CDK18: variants seen among roughly 807,000 people sequenced by gnomAD.
CDK18 encodes cyclin-dependent kinase 18.
Under a neutral mutation model 62.0 loss-of-function variants are expected in CDK18, and 52 were observed. The ratio of observed to expected loss-of-function variants is 0.84; its 90% CI spans 0.67 to 1.06. The LOEUF (loss-of-function observed/expected upper bound fraction) is 1.06. Ranked by LOEUF, CDK18 falls within the 50% of genes least tolerant of loss-of-function variation. The pLI is 0.00. For missense variants in CDK18, 604 were observed against 619.9 expected (o/e 0.97, Z 0.27); for synonymous variants, 237 against 247.0 (o/e 0.96, Z 0.38).
At chr1:205,519,711 C>G (rs149522944) in intron 1 of CDK18, among the ~76,000 whole-genome samples, 1 of 152,194 alleles carries the variant, frequency 6.6e-6, no homozygotes, top group East Asian at 1.9e-4. Flanking sequence ...CAGGCACAGG[C>G]TGGTGGCTCC....
At chr1:205,520,970 G>A (rs28580089) in intron 1 of CDK18, among the ~76,000 whole-genome samples, 4,774 of 152,270 alleles carry the variant, frequency 0.031, 130 homozygotes, top group African/African-American at 0.078. Context: ...CTGAGACATT[G>A]CACAGAGCCA....
intron 1 of CDK18, among the ~76,000 whole-genome samples, chr1:205,507,499 G>T (rs928713520): frequency 1.4e-4 from 21 of 151,508 alleles, no homozygotes; most frequent in African/African-American, 4.6e-4. Context: ...AATTAGTCAG[G>T]CGTGGTGGCA....
chr1:205,512,327 G>A (rs1667603338), intron 1 of CDK18, among the ~76,000 whole-genome samples: 1 of 152,234 alleles, frequency 6.6e-6, no homozygotes, highest in African/African-American at 2.4e-5. Context: ...ACCAGACCCG[G>A]GAGGAAGGAA....
Position 205,523,507 on chromosome 1 carries a change from G to T in CDK18, c.155G>T (p.Arg52Ile). 6.2e-7 allele frequency: 1 copy of T among 1,605,142 alleles called. No homozygotes were observed. The highest frequency in any genetic ancestry group is 8.5e-7 in the Non-Finnish European group (1 of 1,176,398). The change falls in exon 3 of 16, where the codon AGA becomes ATA. Residue 52 changes from arginine to isoleucine, a missense_variant. Transcript: ENST00000429964. ...NENLQLGPLG[R>I]DPPQECSTFS... ...GACTTGCAGCTCGGTCCTCTTGGCA[G>T]AGACCCCCCGCAGGAGTGCAGCACC...
intron 1 of CDK18, among the ~76,000 whole-genome samples, chr1:205,513,410 T>C (rs970395527): frequency 6.6e-6 from 1 of 152,230 alleles, no homozygotes; most frequent in Non-Finnish European, 1.5e-5. Context: ...TCCCATCTTA[T>C]CACTTGGACA....
intron 1 of CDK18, among the ~76,000 whole-genome samples, chr1:205,513,911 C>T (rs940344733): frequency 1.3e-5 from 2 of 152,384 alleles, no homozygotes; most frequent in East Asian, 1.9e-4. Context: ...CCCACTGCCT[C>T]AGCCCATCTC....
chr1:205,528,233 T>G lies in CDK18; in HGVS notation c.974+65T>G. ...CCTGGCCACACCTCCAGACTCTCCT[T>G]TGCTTCCCCAAGGGCCTCGGGGAAG... On this transcript the variant is annotated intron_variant, in intron 10 of 15. Transcript: ENST00000429964. The surrounding 1 kb of genome is among the most constrained non-coding windows in gnomAD (Gnocchi z 4.2). The G allele has an allele frequency of 6.3e-7, 1 of 1,575,920 alleles. No homozygotes were observed. Among genetic ancestry groups the G allele is most frequent in the Non-Finnish European group, 8.7e-7 (1 of 1,154,896 alleles).
intron 1 of CDK18, among the ~76,000 whole-genome samples, chr1:205,515,862 A>G (rs1667793721): frequency 2.0e-5 from 3 of 152,226 alleles, no homozygotes; most frequent in African/African-American, 7.2e-5. Context: ...TACTTCCTGC[A>G]TTCCAAACAG....
rs1668568966 is a variant in CDK18 at position 205,528,724 on chromosome 1, G to T, written c.975-275G>T. ...CTGAGAGAATTGCCACATGGGCGCTGGCTGCACAGACCCAAACCTCACAGA... is the reference window on the plus strand; with the variant it reads ...CTGAGAGAATTGCCACATGGGCGCTTGCTGCACAGACCCAAACCTCACAGA... On this transcript the variant is annotated intron_variant, in intron 10 of 15. Transcript: ENST00000429964. The surrounding 1 kb of genome is among the most constrained non-coding windows in gnomAD (Gnocchi z 4.2). The T allele has an allele frequency of 4.8e-6, 2 of 417,498 alleles. No individual in the cohort carries two copies. The highest frequency in any genetic ancestry group is 3.9e-5 in the Admixed American group (1 of 25,502). The allele number at this position is 417,498 out of a possible 1,614,324, so 25.9% of individuals were successfully genotyped here.
Position 205,529,250 on chromosome 1 carries a change from C to T in CDK18, c.1073-74C>T, listed in dbSNP as rs978796622. ...CGGCCATCTTTGCTCCCACCTCATACATTGCATCCCTTTCAAGTCGGCCTT... is the reference window on the plus strand; with the variant it reads ...CGGCCATCTTTGCTCCCACCTCATATATTGCATCCCTTTCAAGTCGGCCTT... On this transcript the variant is annotated intron_variant, in intron 11 of 15. Coordinates refer to ENST00000429964, the MANE Select transcript of CDK18 (RefSeq NM_212502.3). 8 of 1,436,054 alleles carry T rather than the reference C, an allele frequency of 5.6e-6. No individual in the cohort carries two copies. In the African/African-American group the frequency reaches 8.4e-5, roughly 15 times the overall value. The allele number at this position is 1,436,054 out of a possible 1,614,324, so 89.0% of individuals were successfully genotyped here.
At position 205,516,439 on chromosome 1, in the gene CDK18, C is replaced by G. The variant is rs1414139648; in HGVS notation, c.-21-6708C>G. 2.6e-5 allele frequency among the ~76,000 whole-genome samples: 4 copies of G among 152,138 alleles called. No homozygotes were observed. The highest frequency in any genetic ancestry group is 9.7e-5 in the African/African-American group (4 of 41,420). On this transcript the variant is annotated intron_variant, in intron 1 of 15. Transcript: ENST00000429964. This position sits in a 1 kb window ranked among gnomAD's most constrained non-coding sequence, Gnocchi z 4.8. ...AAGTGGGCAGCCACAAGTTACGTCC[C>G]CCAACCCCTGCCCCTGGGCCCACAG... is the stretch of plus-strand genomic sequence containing the variant.
chr1:205,505,862 C>A (rs561699270), intron 1 of CDK18, among the ~76,000 whole-genome samples: 1 of 152,250 alleles, frequency 6.6e-6, no homozygotes, highest in South Asian at 2.1e-4. Context: ...GCCCTGGAAC[C>A]TCTTCCGCGC....
chr1:205,515,233 G>A (rs981833536), intron 1 of CDK18, among the ~76,000 whole-genome samples: 1 of 144,176 alleles, frequency 6.9e-6, no homozygotes, highest in Non-Finnish European at 1.5e-5. Context: ...CTGGAGTGCA[G>A]TGGCGCCATT....
rs1292366177 is a variant in CDK18 at position 205,516,359 on chromosome 1, A to C, written c.-21-6788A>C. ...GACTGGGAGATAGGGTGTCATAGGG[A>C]TCCTGGCTGGTGGTCAGCCTTCGTG... is the stretch of plus-strand genomic sequence containing the variant. On this transcript the variant is annotated intron_variant, in intron 1 of 15. Transcript: ENST00000429964. The surrounding 1 kb of genome is among the most constrained non-coding windows in gnomAD (Gnocchi z 4.8). 6.6e-6 allele frequency among the ~76,000 whole-genome samples: 1 copy of C among 152,060 alleles called. No homozygotes were observed. The highest frequency in any genetic ancestry group is 1.5e-5 in the Non-Finnish European group (1 of 68,022).
intron 5 of CDK18, 78 bp from the exon 6 acceptor site, chr1:205,525,987 A>G: frequency 1.0e-6 from 1 of 988,110 alleles, no homozygotes; most frequent in Non-Finnish European, 1.5e-6. Flanking sequence ...GCCCAGGCAG[A>G]GGCACAAATG....
Position 205,531,617 on chromosome 1 carries a change from C to G in CDK18, c.*239C>G. 1.9e-6 allele frequency: 1 copy of G among 538,506 alleles called. No homozygotes were observed. Among genetic ancestry groups the G allele is most frequent in the Non-Finnish European group, 3.4e-6 (1 of 293,714 alleles). The allele number at this position is 538,506 out of a possible 1,614,324, so 33.4% of individuals were successfully genotyped here. The stretch of plus-strand genomic sequence containing the variant: ...TTACCCACGTTGGGGCTGGCATAAG[C>G]TGCTTCCCTGAGAGGACATGAGGGG... On this transcript the variant is annotated 3_prime_UTR_variant, in exon 16 of 16. Coordinates refer to ENST00000429964, the MANE Select transcript of CDK18 (RefSeq NM_212502.3).
rs1318469273 is a variant in CDK18 at position 205,530,675 on chromosome 1, G to A, written c.1360G>A (p.Gly454Ser). Residue 454 changes from glycine to serine, a missense_variant, in exon 15 of 16, where the codon GGC (glycine) becomes AGC (serine). Transcript: ENST00000429964. ...LKEIQLQKDP[G>S]YRGLAFQQPG... ...GGAGATCCAGCTCCAGAAGGACCCA[G>A]GCTACCGAGGCTTGGCCTTCCAGCA... The A allele has an allele frequency of 7.4e-6, 12 of 1,613,800 alleles. No homozygotes were observed. Among genetic ancestry groups the A allele is most frequent in the Admixed American group, 5.0e-5 (3 of 60,006 alleles).
intron 1 of CDK18, among the ~76,000 whole-genome samples, chr1:205,518,275 C>G (rs73074310): frequency 0.053 from 8,083 of 152,250 alleles, 523 homozygotes; most frequent in African/African-American, 0.15. Context: ...CCCCCTACCC[C>G]TGTTAGAAAG....
chr1:205,529,566 G>A lies in CDK18; in HGVS notation c.1221+3G>A. On this transcript the variant is annotated splice_donor_region_variant and intron_variant, in intron 13 of 15. Transcript: ENST00000429964. ...ACCTCCTGAGCAGCCTGCTCCTGGT[G>A]AGTGTCCTCCCGGCGGGGCCCAGGG... The A allele has an allele frequency of 1.2e-6, 2 of 1,613,686 alleles. No homozygotes were observed. The highest frequency in any genetic ancestry group is 1.7e-6 in the Non-Finnish European group (2 of 1,179,924).
Sources: gnomAD v4.1 joint callset for allele counts (sites outside exome capture counted in the v4.1 genomes callset) on GRCh38, gnomAD v4.1.1 for gene constraint, Gnocchi (gnomAD v3.1) non-coding constraint, MANE v1.5 for transcripts, NCBI Gene and HGNC (gene_info 2026-07-23, HGNC 2026-07-21) for gene names.